NDST3: variants seen among roughly 807,000 people sequenced by gnomAD.
NDST3 encodes the protein bifunctional heparan sulfate N-deacetylase/N-sulfotransferase 3.
A neutral mutation model predicts 96.1 loss-of-function variants in NDST3; 58 were observed. That is an observed-to-expected ratio of 0.60 (90% CI 0.49 to 0.75). The LOEUF (loss-of-function observed/expected upper bound fraction) is 0.75, where lower values mean the gene tolerates loss of function less well. Ranked by LOEUF, NDST3 falls within the 30% of genes least tolerant of loss-of-function variation. The pLI is 0.00. For synonymous variants in NDST3, 333 were observed against 359.7 expected (o/e 0.93, Z 0.84); for missense variants, 788 against 1,034.2 (o/e 0.76, Z 3.27).
chr4:118,084,088 A>G (rs1394494955), intron 2 of NDST3, among the ~76,000 whole-genome samples: 1 of 152,214 alleles, frequency 6.6e-6, no homozygotes, highest in Non-Finnish European at 1.5e-5. Context: ...GATGTAATTC[A>G]GAGGATACAA....
chr4:118,166,464 T>C (rs1046509343), intron 6 of NDST3, among the ~76,000 whole-genome samples: 1 of 151,882 alleles, frequency 6.6e-6, no homozygotes, highest in African/African-American at 2.4e-5. Flanking sequence ...TGGTGACTTA[T>C]ATCAAACATT....
At chr4:118,247,011 C>A (rs1457842890) in intron 12 of NDST3, among the ~76,000 whole-genome samples, 3 of 152,102 alleles carry the variant, frequency 2.0e-5, no homozygotes, top group Non-Finnish European at 2.9e-5. Context: ...TTTGCAGTTT[C>A]TTAAAAACTA....
chr4:118,193,586 T>C (rs56307714), intron 6 of NDST3: 2 of 1,155,820 alleles, frequency 1.7e-6, no homozygotes, highest in Non-Finnish European at 2.6e-6. Flanking sequence ...CCTGCAGATC[T>C]GCTGCTGGCA....
chr4:118,040,383 G>A (rs541283625), intron 1 of NDST3, among the ~76,000 whole-genome samples: 7 of 152,226 alleles, frequency 4.6e-5, no homozygotes, highest in South Asian at 4.2e-4. Flanking sequence ...AGGAAAGGGG[G>A]AGGGGTGAAA....
chr4:118,136,478 TTGAG>T (rs1213301264), intron 4 of NDST3, among the ~76,000 whole-genome samples: 1 of 152,208 alleles, frequency 6.6e-6, no homozygotes, highest in Non-Finnish European at 1.5e-5. Flanking sequence ...TTAGTTTAGT[TTGAG>T]TTTTTAAAAA....
chr4:118,238,223 GAA>G (rs778713302), intron 10 of NDST3, among the ~76,000 whole-genome samples: 8 of 129,810 alleles, frequency 6.2e-5, no homozygotes, highest in Admixed American at 1.5e-4. Flanking sequence ...AAGAAAGAAA[GAA>G]AAAGAAAGAA....
At chr4:118,159,233 G>A (rs1050814933) in intron 6 of NDST3, among the ~76,000 whole-genome samples, 4 of 152,190 alleles carry the variant, frequency 2.6e-5, no homozygotes, top group African/African-American at 9.7e-5. Context: ...ATATATTCTA[G>A]AAGCCAGGGG....
At chr4:118,077,714 C>T (rs773186216) in intron 2 of NDST3, among the ~76,000 whole-genome samples, 19 of 152,324 alleles carry the variant, frequency 1.2e-4, no homozygotes, top group Non-Finnish European at 2.5e-4. Context: ...AGAGTGAGGG[C>T]TCCTTCCTGC....
intron 6 of NDST3, among the ~76,000 whole-genome samples, chr4:118,175,808 C>T (rs1053527206): frequency 1.3e-5 from 2 of 152,148 alleles, no homozygotes; most frequent in Non-Finnish European, 2.9e-5. Flanking sequence ...CTAAAACAGG[C>T]ATTTCACTGT....
chr4:118,255,743 C>A lies in NDST3; in HGVS notation c.*31C>A. The A allele has an allele frequency of 6.4e-7, 1 of 1,561,408 alleles. No homozygotes were observed. ...AGAGAAAACTTGAGACTTCATCGTCCATGTAGAACACACCTTTTCCAAAGC... is the reference window on the plus strand; with the variant it reads ...AGAGAAAACTTGAGACTTCATCGTCAATGTAGAACACACCTTTTCCAAAGC... On this transcript the variant is annotated 3_prime_UTR_variant, in exon 14 of 14. Coordinates refer to ENST00000296499, the MANE Select transcript of NDST3 (RefSeq NM_004784.3).
At chr4:118,066,125 T>C (rs1726320506) in intron 2 of NDST3, among the ~76,000 whole-genome samples, 1 of 53,172 alleles carries the variant, frequency 1.9e-5, no homozygotes, top group Non-Finnish European at 3.7e-5. Flanking sequence ...ATATATTATA[T>C]ATATTATATA....
chr4:118,116,621 G>A (rs1282550354), intron 4 of NDST3, among the ~76,000 whole-genome samples: 1 of 152,148 alleles, frequency 6.6e-6, no homozygotes, highest in Non-Finnish European at 1.5e-5. Flanking sequence ...ACTTTGGGAG[G>A]CCGAGGTGGG....
intron 1 of NDST3, among the ~76,000 whole-genome samples, chr4:118,047,712 G>A (rs1046959066): frequency 6.6e-6 from 1 of 152,092 alleles, no homozygotes; most frequent in South Asian, 2.1e-4. Context: ...AAAAATAATT[G>A]TTAGAAATGA....
chr4:118,204,198 T>C (rs1738286648), intron 6 of NDST3, among the ~76,000 whole-genome samples: 1 of 152,036 alleles, frequency 6.6e-6, no homozygotes, highest in Non-Finnish European at 1.5e-5. Flanking sequence ...ATGGACACAA[T>C]GGGCCCTGCA....
chr4:118,087,746 A>G (rs1728547070), intron 2 of NDST3, among the ~76,000 whole-genome samples: 1 of 152,066 alleles, frequency 6.6e-6, no homozygotes, highest in African/African-American at 2.4e-5. Context: ...GTTACAAAGG[A>G]CAGCACACAG....
intron 6 of NDST3, among the ~76,000 whole-genome samples, chr4:118,170,361 A>T (rs551335332): frequency 3.9e-5 from 6 of 152,332 alleles, no homozygotes; most frequent in Non-Finnish European, 7.3e-5. Flanking sequence ...AAAAGATTTA[A>T]TGGCAGTGTC....
chr4:118,145,199 G>A (rs1409557659), intron 6 of NDST3, among the ~76,000 whole-genome samples: 1 of 152,124 alleles, frequency 6.6e-6, no homozygotes, highest in Non-Finnish European at 1.5e-5. Flanking sequence ...AGCCAGTACA[G>A]TAATATACAG....
At chr4:118,034,747 T>A (rs1724048908) in intron 1 of NDST3, among the ~76,000 whole-genome samples, 155 bp downstream of exon 1, 1 of 152,228 alleles carries the variant, frequency 6.6e-6, no homozygotes, top group East Asian at 1.9e-4. Flanking sequence ...TAGAGTATTT[T>A]GATTAAATTA....
intron 8 of NDST3, 86 bp from the exon 9 acceptor site, chr4:118,232,926 T>C: frequency 7.8e-7 from 1 of 1,286,834 alleles, no homozygotes; most frequent in Admixed American, 2.0e-5. Flanking sequence ...TGGATCATTC[T>C]AATATTTATT....
Sources: gnomAD v4.1 joint callset for allele counts (sites outside exome capture counted in the v4.1 genomes callset) on GRCh38, gnomAD v4.1.1 for gene constraint, MANE v1.5 for transcripts, NCBI Gene and HGNC (gene_info 2026-07-23, HGNC 2026-07-21) for gene names.